Variants in PAX2 observed in about 807,000 individuals in gnomAD.
The protein encoded by PAX2 is paired box protein Pax-2.
A neutral mutation model predicts 41.7 loss-of-function variants in PAX2; 9 were observed. That is an observed-to-expected ratio of 0.22 (90% CI 0.13 to 0.38). PAX2 has a LOEUF of 0.38. Ranked by LOEUF, PAX2 falls within the 10% of genes least tolerant of loss-of-function variation. The pLI, the probability that PAX2 is intolerant of heterozygous loss-of-function variation, is 1.00. For missense variants in PAX2, 418 were observed against 531.6 expected (o/e 0.79, Z 2.10); for synonymous variants, 221 against 212.7 (o/e 1.04, Z -0.34).
At chr10:100,819,557 C>T (rs1487061521) in intron 7 of PAX2, among the ~76,000 whole-genome samples, 1 of 152,032 alleles carries the variant, frequency 6.6e-6, no homozygotes, top group Non-Finnish European at 1.5e-5. Context: ...GTGACGAGAG[C>T]GAGACTCCGT....
chr10:100,774,775 T>G (rs935179372), intron 3 of PAX2, among the ~76,000 whole-genome samples: 1 of 152,214 alleles, frequency 6.6e-6, no homozygotes, highest in Non-Finnish European at 1.5e-5. Flanking sequence ...GAGAAGGGAA[T>G]AAGAAACTGC....
In PAX2 at chr10:100,791,088, C is replaced by A. The variant is rs1436888523; in HGVS notation, c.616+9723C>A. On this transcript the variant is annotated intron_variant, in intron 5 of 9. Transcript: ENST00000355243. The surrounding 1 kb of genome is among the most constrained non-coding windows in gnomAD (Gnocchi z 4.5). ...CTTCCCTCCCTCCCATTCTTGGAGC[C>A]CTGTGGCCCATCCTCCAGGTGGCTC... 1.3e-5 allele frequency among the ~76,000 whole-genome samples: 2 copies of A among 152,214 alleles called. No individual in the cohort carries two copies. Among genetic ancestry groups the A allele is most frequent in the African/African-American group, 4.8e-5 (2 of 41,446 alleles).
Position 100,824,603 on chromosome 10 carries a change from C to T in PAX2, c.920-45C>T. 1 of 1,268,040 alleles carries T rather than the reference C, an allele frequency of 7.9e-7. No individual in the cohort carries two copies. 78.5% of individuals were successfully genotyped at this position (1,268,040 alleles called of 1,614,324 possible). A position where few individuals can be genotyped will look rare whatever the true frequency, so the allele number is the denominator to read the frequency against. On this transcript the variant is annotated intron_variant, in intron 7 of 9. Coordinates refer to ENST00000355243, the MANE Select transcript of PAX2 (RefSeq NM_000278.5). The surrounding 1 kb of genome is among the most constrained non-coding windows in gnomAD (Gnocchi z 6.6). ...GTACCCTGGTGTGAGTAGAGGCAGG[C>T]CCCTTTCTTCCAGGCCTCACCCCTT...
In PAX2 at chr10:100,748,042, A is replaced by G. The variant is rs1010619643; in HGVS notation, c.44-1704A>G. On this transcript the variant is annotated intron_variant, in intron 1 of 9. Coordinates refer to ENST00000355243, the MANE Select transcript of PAX2 (RefSeq NM_000278.5). This position sits in a 1 kb window ranked among gnomAD's most constrained non-coding sequence, Gnocchi z 5.0. ...CTGGTGGGTGAGACACCGCAGCCCG[A>G]GTCGGTGCTGGCGGCCGTGGCGCAT... is the stretch of plus-strand genomic sequence containing the variant. 2 of 984,732 alleles carry G rather than the reference A, an allele frequency of 2.0e-6. No individual in the cohort carries two copies. Among genetic ancestry groups the G allele is most frequent in the South Asian group, 9.4e-5 (2 of 21,234 alleles). 61.0% of individuals were successfully genotyped at this position (984,732 alleles called of 1,614,324 possible).
chr10:100,820,663 G>A (rs138972966), intron 7 of PAX2, among the ~76,000 whole-genome samples: 1,738 of 152,258 alleles, frequency 0.011, 38 homozygotes, highest in African/African-American at 0.039. Context: ...GCAGTGAGCC[G>A]AGATCGCACC....
At chr10:100,784,414 A>C (rs1161805700) in intron 5 of PAX2, among the ~76,000 whole-genome samples, 1 of 152,168 alleles carries the variant, frequency 6.6e-6, no homozygotes, top group Non-Finnish European at 1.5e-5. Context: ...GGAGGGGCTC[A>C]TCTCCCTCCA....
In PAX2 at chr10:100,749,907, C is replaced by G; in HGVS notation, c.205C>G (p.Leu69Val). 1 of 1,612,228 alleles carries G rather than the reference C, an allele frequency of 6.2e-7. No homozygotes were observed. The highest frequency in any genetic ancestry group is 8.5e-7 in the Non-Finnish European group (1 of 1,179,894). ...CAGCCACGGCTGTGTCAGCAAAATC[C>G]TGGGCAGGTGAGGGCTTCGCAGCTG... The part of the protein sequence containing the change: ...RVSHGCVSKI[L>V]GRYYETGSIK... The change falls in exon 2 of 10, where the codon CTG becomes GTG. Residue 69 changes from leucine to valine, a missense_variant. This residue lies in a region of PAX2 where 108 missense variants were observed against 206.3 expected (regional missense o/e 0.52). Coordinates refer to ENST00000355243, the MANE Select transcript of PAX2 (RefSeq NM_000278.5).
chr10:100,765,406 C>T (rs1351616517), intron 3 of PAX2, among the ~76,000 whole-genome samples: 2 of 152,296 alleles, frequency 1.3e-5, no homozygotes, highest in African/African-American at 4.8e-5. Context: ...AAGACCCACA[C>T]CCAAATACTT....
intron 5 of PAX2, among the ~76,000 whole-genome samples, chr10:100,798,055 C>A (rs887896536): frequency 3.3e-5 from 5 of 151,660 alleles, no homozygotes; most frequent in Non-Finnish European, 4.4e-5. Context: ...TGGTCTTGCC[C>A]CGAGCCAAGG....
intron 7 of PAX2, among the ~76,000 whole-genome samples, chr10:100,812,015 G>A (rs1848005887): frequency 6.6e-6 from 1 of 152,222 alleles, no homozygotes; most frequent in Non-Finnish European, 1.5e-5. Context: ...TATTCCACAA[G>A]GTCAGGACTG....
chr10:100,793,404 G>GA (rs1191685528), intron 5 of PAX2, among the ~76,000 whole-genome samples: 1 of 152,160 alleles, frequency 6.6e-6, no homozygotes, highest in Non-Finnish European at 1.5e-5. Flanking sequence ...TTCCCTTCCT[G>GA]AGGCCTCTGG....
chr10:100,808,990 C>A (rs1847895866), intron 6 of PAX2, 120 bp from the exon 7 acceptor site: 3 of 928,476 alleles, frequency 3.2e-6, no homozygotes, highest in Admixed American at 3.4e-5. Context: ...CCCCTCTGCC[C>A]CACCATCTCT....
intron 1 of PAX2, chr10:100,747,659 C>T: frequency 2.0e-6 from 2 of 982,130 alleles, no homozygotes; most frequent in Non-Finnish European, 2.4e-6. Context: ...TTTAGCGTTG[C>T]GGGGGTTGGG....
intron 3 of PAX2, among the ~76,000 whole-genome samples, chr10:100,768,340 A>G (rs1174440106): frequency 6.6e-6 from 1 of 152,254 alleles, no homozygotes; most frequent in Non-Finnish European, 1.5e-5. Context: ...TATATGTAGT[A>G]TCATCCTGCA....
chr10:100,757,313 G>A (rs1359787748), intron 3 of PAX2, among the ~76,000 whole-genome samples: 1 of 152,240 alleles, frequency 6.6e-6, no homozygotes, highest in East Asian at 1.9e-4. Context: ...TTGGCAAGTA[G>A]TCATTGGGCC....
intron 5 of PAX2, among the ~76,000 whole-genome samples, chr10:100,786,566 T>C (rs1268775364): frequency 6.6e-6 from 1 of 152,216 alleles, no homozygotes; most frequent in Non-Finnish European, 1.5e-5. Flanking sequence ...GATGGGAATG[T>C]CATGCACTGG....
At chr10:100,798,742 C>G (rs1325796384) in intron 5 of PAX2, among the ~76,000 whole-genome samples, 1 of 152,290 alleles carries the variant, frequency 6.6e-6, no homozygotes, top group Middle Eastern at 3.4e-3. Flanking sequence ...GTGACTCCCC[C>G]ACCCAATCCA....
intron 5 of PAX2, among the ~76,000 whole-genome samples, chr10:100,804,371 C>T (rs1208272976): frequency 6.6e-6 from 1 of 152,068 alleles, no homozygotes; most frequent in Non-Finnish European, 1.5e-5. Context: ...AGTCCTGCCA[C>T]ACATGCACAC....
intron 4 of PAX2, among the ~76,000 whole-genome samples, chr10:100,780,094 T>C (rs1217647828): frequency 6.6e-6 from 1 of 152,136 alleles, no homozygotes; most frequent in African/African-American, 2.4e-5. Flanking sequence ...TTCTCTCTTC[T>C]TCTTAGGTGT....
Sources: allele counts gnomAD v4.1 joint callset (sites outside exome capture counted in the v4.1 genomes callset), GRCh38; gene constraint gnomAD v4.1.1; regional missense constraint gnomAD v4.1.1; non-coding constraint Gnocchi (gnomAD v3.1); transcripts MANE v1.5; gene names NCBI Gene and HGNC (gene_info 2026-07-23, HGNC 2026-07-21).